Variants in UHRF2 observed in about 807,000 individuals in gnomAD.
The protein encoded by UHRF2 is E3 ubiquitin-protein ligase UHRF2.
In UHRF2, 23 loss-of-function variants were observed where a neutral mutation model predicts 96.8. The ratio of observed to expected loss-of-function variants is 0.24; its 90% CI spans 0.17 to 0.34. The LOEUF (loss-of-function observed/expected upper bound fraction) is 0.34, where lower values mean the gene tolerates loss of function less well. Ranked by LOEUF, UHRF2 falls within the 10% of genes least tolerant of loss-of-function variation. UHRF2 has a pLI of 1.00. For synonymous variants in UHRF2, 385 were observed against 332.6 expected (o/e 1.16, Z -1.72); for missense variants, 685 against 981.5 (o/e 0.70, Z 4.04).
At chr9:6,446,802 G>A (rs757520078) in intron 3 of UHRF2, among the ~76,000 whole-genome samples, 4 of 151,844 alleles carry the variant, frequency 2.6e-5, no homozygotes, top group East Asian at 2.0e-4. Context: ...CTGAAATGGC[G>A]CCACTGCACT....
At chr9:6,488,753 C>T (rs538116857) in intron 9 of UHRF2, among the ~76,000 whole-genome samples, 61 of 151,580 alleles carry the variant, frequency 4.0e-4, no homozygotes, top group African/African-American at 1.4e-3. Flanking sequence ...CTGCCCACCT[C>T]GGCTTCCCAA....
chr9:6,467,556 A>G (rs1466996144), intron 4 of UHRF2, among the ~76,000 whole-genome samples: 1 of 145,160 alleles, frequency 6.9e-6, no homozygotes, highest in Non-Finnish European at 1.5e-5. Context: ...TAGTTACAAT[A>G]GATTTTCAGT....
chr9:6,416,349 TA>T (rs1194613814), intron 1 of UHRF2, among the ~76,000 whole-genome samples: 1 of 151,986 alleles, frequency 6.6e-6, no homozygotes, highest in Non-Finnish European at 1.5e-5. Flanking sequence ...ATTACAGGCG[TA>T]AGCTACCGTG....
At chr9:6,455,581 T>C (rs1438743377) in intron 3 of UHRF2, among the ~76,000 whole-genome samples, 1 of 152,182 alleles carries the variant, frequency 6.6e-6, no homozygotes, top group Non-Finnish European at 1.5e-5. Context: ...CTATTGTGAA[T>C]AGTGCTGCAG....
rs754454228 is a variant in UHRF2 at position 6,413,541 on chromosome 9, G to A, written c.51G>A (p.Glu17=). The change falls in exon 1 of 16, where the codon GAG becomes GAA. Residue 17 remains glutamate (E), a synonymous_variant. Coordinates refer to ENST00000276893, the MANE Select transcript of UHRF2 (RefSeq NM_152896.3). ...TIDGSKTCTI[E]DVSRKATIEE... is the part of the protein sequence containing the mutation. ...ATGGCTCCAAGACGTGCACCATTGAGGACGTGTCTCGCAAAGCCACGATTG... is the reference window on the plus strand; with the variant it reads ...ATGGCTCCAAGACGTGCACCATTGAAGACGTGTCTCGCAAAGCCACGATTG... 2.5e-6 allele frequency: 4 copies of A among 1,596,484 alleles called. No individual in the cohort carries two copies. The East Asian group carries it at 9.3e-5, about 37-fold the overall frequency.
intron 9 of UHRF2, among the ~76,000 whole-genome samples, chr9:6,491,993 A>G (rs1420391505): frequency 6.6e-6 from 1 of 152,188 alleles, no homozygotes; most frequent in African/African-American, 2.4e-5. Context: ...TTGGCCTCCC[A>G]CAGTGCTGGG....
At chr9:6,435,585 A>C (rs1820796266) in intron 3 of UHRF2, among the ~76,000 whole-genome samples, 1 of 152,034 alleles carries the variant, frequency 6.6e-6, no homozygotes. Flanking sequence ...CCCCAGTCCC[A>C]CTTCCCCAAG....
At chr9:6,466,776 C>T (rs1314843351) in intron 4 of UHRF2, among the ~76,000 whole-genome samples, 1 of 152,164 alleles carries the variant, frequency 6.6e-6, no homozygotes, top group Non-Finnish European at 1.5e-5. Flanking sequence ...GTTGCTTGAT[C>T]ACGCAAACAT....
intron 2 of UHRF2, among the ~76,000 whole-genome samples, chr9:6,424,252 C>T (rs10975585): frequency 0.27 from 40,774 of 152,046 alleles, 7,252 homozygotes; most frequent in African/African-American, 0.5. Context: ...TAACATTGAG[C>T]TGCTGATAGC....
chr9:6,429,029 G>A (rs1472446982), intron 2 of UHRF2, among the ~76,000 whole-genome samples: 1 of 152,142 alleles, frequency 6.6e-6, no homozygotes, highest in African/African-American at 2.4e-5. Flanking sequence ...AGACACTATG[G>A]TGGTGGATAC....
intron 10 of UHRF2, chr9:6,494,234 G>A (rs1824837647): frequency 7.1e-6 from 2 of 280,076 alleles, no homozygotes; most frequent in Non-Finnish European, 1.3e-5. Context: ...AAGGTGGCTT[G>A]TCTACTACTC....
Position 6,482,067 on chromosome 9 carries a change from C to G in UHRF2, c.1360C>G (p.Pro454Ala), listed in dbSNP as rs1823959691. 1 of 1,613,834 alleles carries G rather than the reference C, an allele frequency of 6.2e-7. No individual in the cohort carries two copies. The highest frequency in any genetic ancestry group is 1.7e-5 in the Admixed American group (1 of 59,984). Residue 454 changes from proline (P) to alanine (A), a missense_variant, in exon 8 of 16, where the codon CCT (proline) becomes GCT (alanine). Physicochemically the swap from Pro to Ala is conservative, Grantham distance 27 (BLOSUM62 -1). Around this residue, in one of 6 missense-constraint regions of UHRF2, gnomAD observed 73 missense variants for 283.7 expected, o/e 0.26. Coordinates refer to ENST00000276893, the MANE Select transcript of UHRF2 (RefSeq NM_152896.3). ...TCATTATGGACCCATTCCTGGTATT[C>G]CTGTTGGATCAACTTGGAGATTTAG... is the stretch of plus-strand genomic sequence containing the variant. ...SNHYGPIPGI[P>A]VGSTWRFRVQ...
intron 3 of UHRF2, among the ~76,000 whole-genome samples, chr9:6,448,469 T>G (rs1821654435): frequency 6.6e-6 from 1 of 152,236 alleles, no homozygotes; most frequent in Non-Finnish European, 1.5e-5. Context: ...GGTGATCAGT[T>G]TGAAAAACGT....
At chr9:6,466,802 C>A (rs564451699) in intron 4 of UHRF2, among the ~76,000 whole-genome samples, 1 of 152,190 alleles carries the variant, frequency 6.6e-6, no homozygotes, top group Non-Finnish European at 1.5e-5. Flanking sequence ...TGCCTTGGGG[C>A]CTTTGTACTT....
In UHRF2 at chr9:6,497,289, C is replaced by T. The variant is rs767912028; in HGVS notation, c.1696C>T (p.Arg566Cys). Residue 566 changes from arginine to cysteine, a missense_variant, in exon 11 of 16, where the codon CGC becomes TGC. By Grantham distance (180) the Arg-to-Cys change is radical. This residue lies in a region of UHRF2 where 73 missense variants were observed against 283.7 expected (regional missense o/e 0.26). Transcript: ENST00000276893. ...WRAGKPVRVIRSFKGRKISKY... is the reference protein window; with the variant it reads ...WRAGKPVRVICSFKGRKISKY... Reference sequence around the variant, plus strand: ...AGCTGGTAAGCCAGTCAGAGTGATACGCAGTTTTAAAGGGAGGAAGATCAG... The same window carrying T: ...AGCTGGTAAGCCAGTCAGAGTGATATGCAGTTTTAAAGGGAGGAAGATCAG... 6.2e-7 allele frequency: 1 copy of T among 1,613,910 alleles called. No homozygotes were observed. The highest frequency in any genetic ancestry group is 8.5e-7 in the Non-Finnish European group (1 of 1,179,906).
At chr9:6,425,416 C>G (rs1179093291) in intron 2 of UHRF2, among the ~76,000 whole-genome samples, 1 of 152,080 alleles carries the variant, frequency 6.6e-6, no homozygotes, top group African/African-American at 2.4e-5. Context: ...CTGCTTCAGT[C>G]CTAGAATCAA....
intron 4 of UHRF2, among the ~76,000 whole-genome samples, chr9:6,461,535 C>T (rs1046839619): frequency 3.3e-5 from 5 of 151,472 alleles, no homozygotes; most frequent in Non-Finnish European, 4.4e-5. Context: ...ACCACGCCCA[C>T]CTAACTTTTA....
At chr9:6,456,510 T>G (rs1346963634) in intron 3 of UHRF2, among the ~76,000 whole-genome samples, 1 of 152,256 alleles carries the variant, frequency 6.6e-6, no homozygotes, top group Admixed American at 6.5e-5. Context: ...ATAGTTTCTT[T>G]TGCTGTGCAG....
chr9:6,430,207 G>C (rs1015960685), intron 2 of UHRF2, among the ~76,000 whole-genome samples: 1 of 152,042 alleles, frequency 6.6e-6, no homozygotes, highest in African/African-American at 2.4e-5. Context: ...ACAGGGTTTC[G>C]CCATGTTTGC....
Sources: gnomAD v4.1 joint callset for allele counts (sites outside exome capture counted in the v4.1 genomes callset) on GRCh38, gnomAD v4.1.1 for gene constraint, gnomAD v4.1.1 regional missense constraint, MANE v1.5 for transcripts, NCBI Gene and HGNC (gene_info 2026-07-23, HGNC 2026-07-21) for gene names.